Variants in MCF2L2 observed in about 807,000 individuals in gnomAD.
MCF2L2 encodes MCF.2 cell line derived transforming sequence-like 2, also known as probable guanine nucleotide exchange factor MCF2L2.
Under a neutral mutation model 150.2 loss-of-function variants are expected in MCF2L2, and 102 were observed. The ratio of observed to expected loss-of-function variants is 0.68; its 90% CI spans 0.58 to 0.80. The LOEUF (loss-of-function observed/expected upper bound fraction) is 0.80, where lower values mean the gene tolerates loss of function less well. MCF2L2 is among the 30% of genes least tolerant of loss of function. The probability of loss-of-function intolerance (pLI) is 0.00; values close to 1 mark genes in which losing one functional copy is unlikely to be tolerated. For synonymous variants in MCF2L2, 465 were observed against 491.3 expected (o/e 0.95, Z 0.71); for missense variants, 1,256 against 1,372.8 (o/e 0.91, Z 1.34).
In MCF2L2 at chr3:183,207,770, C is replaced by A; in HGVS notation, c.2550G>T (p.Trp850Cys). 1 of 1,614,186 alleles carries A rather than the reference C, an allele frequency of 6.2e-7. No individual in the cohort carries two copies. The highest frequency in any genetic ancestry group is 8.5e-7 in the Non-Finnish European group (1 of 1,180,026). Reference sequence around the variant, plus strand: ...TTTTATAACGATCCTTGTGAATTGTCCAGACGCTGAAAGGGCCGTGCAGCA... The same window carrying A: ...TTTTATAACGATCCTTGTGAATTGTACAGACGCTGAAAGGGCCGTGCAGCA... ...KLLLHGPFSV[W>C]TIHKDRYKMK... Residue 850 changes from tryptophan (W) to cysteine (C), a missense_variant, in exon 23 of 30, where the codon TGG becomes TGT. Transcript: ENST00000328913.
intron 14 of MCF2L2, among the ~76,000 whole-genome samples, chr3:183,279,490 A>G (rs1440259765): frequency 6.6e-6 from 1 of 152,206 alleles, no homozygotes; most frequent in Non-Finnish European, 1.5e-5. Flanking sequence ...AAATCAGAGC[A>G]ACAATCGTTT....
intron 3 of MCF2L2, among the ~76,000 whole-genome samples, chr3:183,344,552 A>T (rs1454912287): frequency 6.6e-6 from 1 of 152,226 alleles, no homozygotes; most frequent in Non-Finnish European, 1.5e-5. Context: ...CATCAGAATG[A>T]CAGGATCAAG....
At chr3:183,185,362 G>A (rs1190227262) in intron 27 of MCF2L2, among the ~76,000 whole-genome samples, 3 of 152,204 alleles carry the variant, frequency 2.0e-5, no homozygotes. Flanking sequence ...AGAACCAGGG[G>A]GTAACTAACT....
chr3:183,339,968 C>T (rs1730633125), intron 4 of MCF2L2, among the ~76,000 whole-genome samples: 1 of 152,116 alleles, frequency 6.6e-6, no homozygotes, highest in African/African-American at 2.4e-5. Context: ...TTAGATTACT[C>T]ATGTATTATG....
chr3:183,323,279 C>A lies in MCF2L2; in HGVS notation c.559G>T (p.Gly187Trp). The A allele has an allele frequency of 6.2e-7, 1 of 1,613,792 alleles. No homozygotes were observed. Among genetic ancestry groups the A allele is most frequent in the Non-Finnish European group, 8.5e-7 (1 of 1,179,760 alleles). Reference sequence around the variant, plus strand: ...TGACCGTGGCGATATTCCAAAGTCCCCCCTAATTCCCGGGTCAGTTGGCTT... The same window carrying A: ...TGACCGTGGCGATATTCCAAAGTCCACCCTAATTCCCGGGTCAGTTGGCTT... Reference protein sequence around the residue: ...DKSQLTRELGGTLEYRHGQWV... With the variant: ...DKSQLTRELGWTLEYRHGQWV... Residue 187 changes from glycine (G) to tryptophan (W), a missense_variant, in exon 6 of 30, where the codon GGG (glycine) becomes TGG (tryptophan). By Grantham distance (184) the Gly-to-Trp change is radical (BLOSUM62 -2). Coordinates refer to ENST00000328913, the MANE Select transcript of MCF2L2 (RefSeq NM_015078.4).
At chr3:183,318,250 A>T in intron 6 of MCF2L2, 33 bp from the exon 7 acceptor site, 1 of 1,612,264 alleles carries the variant, frequency 6.2e-7, no homozygotes, top group East Asian at 2.2e-5. Flanking sequence ...CAATATGGAG[A>T]GATTAACATT....
intron 13 of MCF2L2, among the ~76,000 whole-genome samples, chr3:183,294,592 T>C (rs960360836): frequency 6.7e-6 from 1 of 148,180 alleles, no homozygotes; most frequent in Non-Finnish European, 1.5e-5. Context: ...TATATACATA[T>C]ATGTGTATGT....
Position 183,283,425 on chromosome 3 carries a change from TC to T in MCF2L2, c.1776+5694del, listed in dbSNP as rs1727613819. 6.6e-6 allele frequency among the ~76,000 whole-genome samples: 1 copy of T among 152,148 alleles called. No individual in the cohort carries two copies. Among genetic ancestry groups the T allele is most frequent in the Non-Finnish European group, 1.5e-5 (1 of 68,012 alleles). On this transcript the variant is annotated intron_variant, in intron 14 of 29. Coordinates refer to ENST00000328913, the MANE Select transcript of MCF2L2 (RefSeq NM_015078.4). This position sits in a 1 kb window ranked among gnomAD's most constrained non-coding sequence, Gnocchi z 4.2. ...TACCTTCCCAGCATTCTTGAGCCAT[TC>T]CCAGGATAGCCTAGGCCCTTTAGAC...
chr3:183,261,195 A>G (rs1053172998), intron 15 of MCF2L2, among the ~76,000 whole-genome samples: 3 of 152,238 alleles, frequency 2.0e-5, no homozygotes, highest in African/African-American at 7.2e-5. Flanking sequence ...TTATTAAGAA[A>G]AAATCTAGGA....
chr3:183,257,222 G>A (rs1725122953), intron 15 of MCF2L2, among the ~76,000 whole-genome samples: 2 of 152,204 alleles, frequency 1.3e-5, no homozygotes, highest in African/African-American at 4.8e-5. Flanking sequence ...ATGGTTTAGA[G>A]ACAAGTCGAG....
chr3:183,366,001 T>A (rs181366964), intron 3 of MCF2L2, among the ~76,000 whole-genome samples: 1 of 149,906 alleles, frequency 6.7e-6, no homozygotes, highest in Non-Finnish European at 1.5e-5. Flanking sequence ...GATAAAGAGA[T>A]GAAAAATAGA....
chr3:183,416,097 CTAACT>C (rs1715574231), intron 1 of MCF2L2, among the ~76,000 whole-genome samples: 2 of 151,964 alleles, frequency 1.3e-5, no homozygotes, highest in Non-Finnish European at 2.9e-5. Context: ...CAGATTTATA[CTAACT>C]TAATTAAACT....
chr3:183,246,856 C>T (rs1724279707), intron 15 of MCF2L2, among the ~76,000 whole-genome samples: 1 of 152,090 alleles, frequency 6.6e-6, no homozygotes, highest in Admixed American at 6.5e-5. Flanking sequence ...GATTATCATT[C>T]TTTTTTTAAA....
At chr3:183,339,000 C>T in intron 4 of MCF2L2, 81 bp from the exon 5 acceptor site, 1 of 1,388,272 alleles carries the variant, frequency 7.2e-7, no homozygotes, top group Non-Finnish European at 9.7e-7. Context: ...TCTCCCCTTG[C>T]CCAAGATTAA....
chr3:183,365,995 A>G (rs141891068), intron 3 of MCF2L2, among the ~76,000 whole-genome samples: 10 of 151,758 alleles, frequency 6.6e-5, no homozygotes, highest in Non-Finnish European at 1.5e-4. Context: ...TAAAGTGATA[A>G]AGAGATGAAA....
At chr3:183,326,574 T>A (rs1050235944) in intron 5 of MCF2L2, among the ~76,000 whole-genome samples, 1 of 149,584 alleles carries the variant, frequency 6.7e-6, no homozygotes, top group African/African-American at 2.5e-5. Context: ...TCACAAGAAG[T>A]TGCAAAGATA....
chr3:183,219,771 A>T, intron 21 of MCF2L2, 85 bp downstream of exon 21: 2 of 878,828 alleles, frequency 2.3e-6, no homozygotes, highest in Non-Finnish European at 3.7e-6. Context: ...AAGACCACCA[A>T]GTAAAATTGC....
chr3:183,349,533 T>G (rs561896937), intron 3 of MCF2L2, among the ~76,000 whole-genome samples: 2 of 152,380 alleles, frequency 1.3e-5, no homozygotes, highest in East Asian at 3.9e-4. Flanking sequence ...ACAGTTCTGC[T>G]GCACTAGCAA....
chr3:183,342,668 GTGTA>G (rs1293036741), intron 3 of MCF2L2, among the ~76,000 whole-genome samples: 2 of 122,392 alleles, frequency 1.6e-5, no homozygotes, highest in Non-Finnish European at 3.5e-5. Flanking sequence ...GTGTGTGTGT[GTGTA>G]TGCATATATG....
Sources: gnomAD v4.1 joint callset for allele counts (sites outside exome capture counted in the v4.1 genomes callset) on GRCh38, gnomAD v4.1.1 for gene constraint, Gnocchi (gnomAD v3.1) non-coding constraint, MANE v1.5 for transcripts, NCBI Gene and HGNC (gene_info 2026-07-23, HGNC 2026-07-21) for gene names.